Variants in VTI1A observed in about 807,000 individuals in gnomAD.
VTI1A encodes the protein vesicle transport through interaction with t-SNAREs 1A.
VTI1A carries 22 observed loss-of-function variants against 34.9 expected under a neutral mutation model. The ratio of observed to expected loss-of-function variants is 0.63; its 90% CI spans 0.45 to 0.90. VTI1A has a LOEUF of 0.90. Among genes scored for constraint, VTI1A ranks in the 40% least tolerant of loss-of-function variants. The pLI is 0.00. For synonymous variants in VTI1A, 87 were observed against 97.3 expected (o/e 0.89, Z 0.62); for missense variants, 268 against 275.6 (o/e 0.97, Z 0.20).
chr10:112,654,283 A>G (rs1847144343), intron 5 of VTI1A, among the ~76,000 whole-genome samples: 1 of 152,172 alleles, frequency 6.6e-6, no homozygotes, highest in South Asian at 2.1e-4. Context: ...CAAAATCCAC[A>G]TTTACTTAGC....
chr10:112,482,677 C>G (rs969375932), intron 3 of VTI1A, among the ~76,000 whole-genome samples: 3 of 151,988 alleles, frequency 2.0e-5, no homozygotes, highest in Non-Finnish European at 2.9e-5. Context: ...ATTCAAAATG[C>G]GAACTGTATT....
chr10:112,448,287 T>A (rs566575235), intron 1 of VTI1A: 52 of 152,332 alleles, frequency 3.4e-4, no homozygotes, highest in African/African-American at 1.2e-3. Flanking sequence ...CCCAGTTTCA[T>A]GTAAAACTTG....
intron 7 of VTI1A, among the ~76,000 whole-genome samples, chr10:112,723,284 G>A (rs74317490): frequency 0.038 from 5,856 of 152,258 alleles, 376 homozygotes; most frequent in African/African-American, 0.13. Context: ...GCTCTTCCCT[G>A]TACAGGACTA....
chr10:112,469,464 T>C (rs1022749765), intron 3 of VTI1A, among the ~76,000 whole-genome samples: 1 of 152,238 alleles, frequency 6.6e-6, no homozygotes, highest in African/African-American at 2.4e-5. Context: ...GGACATGATA[T>C]TGCTCCTGTT....
intron 5 of VTI1A, among the ~76,000 whole-genome samples, chr10:112,590,543 G>A (rs1844350111): frequency 6.6e-6 from 1 of 151,876 alleles, no homozygotes; most frequent in African/African-American, 2.4e-5. Flanking sequence ...TTCCAGACAT[G>A]GTGGCATGCA....
rs145611860 is a variant in VTI1A at position 112,742,603 on chromosome 10, C to T, written c.561-72687C>T. ...AGGCTGCTAAATGGTTTGCTTAATT[C>T]TAATGCTTTATACAGATCTCCTTTC... On this transcript the variant is annotated intron_variant, in intron 7 of 7. Transcript: ENST00000393077. 9.6e-3 allele frequency among the ~76,000 whole-genome samples: 1,461 copies of T among 152,304 alleles called. 11 individuals are homozygous for T. Among genetic ancestry groups the T allele is most frequent in the Non-Finnish European group, 0.014 (929 of 68,026 alleles).
At chr10:112,593,485 G>T (rs1435177576) in intron 5 of VTI1A, among the ~76,000 whole-genome samples, 1 of 152,146 alleles carries the variant, frequency 6.6e-6, no homozygotes, top group African/African-American at 2.4e-5. Flanking sequence ...CCAGCTCGAG[G>T]TGATTGCCTC....
intron 5 of VTI1A, among the ~76,000 whole-genome samples, chr10:112,582,984 G>A (rs567698030): frequency 7.9e-5 from 12 of 152,192 alleles, no homozygotes; most frequent in South Asian, 2.1e-4. Flanking sequence ...AGGGAGGCAC[G>A]TTTGCTGATA....
intron 3 of VTI1A, among the ~76,000 whole-genome samples, chr10:112,496,735 G>A (rs1286585512): frequency 1.3e-5 from 2 of 152,200 alleles, no homozygotes; most frequent in East Asian, 1.9e-4. Flanking sequence ...TTTTCAGTCA[G>A]TGTGAACCTG....
intron 5 of VTI1A, among the ~76,000 whole-genome samples, chr10:112,543,534 T>G (rs1850948830): frequency 6.6e-6 from 1 of 152,356 alleles, no homozygotes; most frequent in Non-Finnish European, 1.5e-5. Flanking sequence ...TGTTTGATTT[T>G]TTTCTTCTAA....
intron 6 of VTI1A, 64 bp downstream of exon 6, chr10:112,668,352 G>T: frequency 6.5e-7 from 1 of 1,529,064 alleles, no homozygotes; most frequent in South Asian, 1.2e-5. Context: ...GAAAGGCATT[G>T]GGACATAAAC....
At position 112,496,349 on chromosome 10, in the gene VTI1A, C is replaced by T. The variant is rs191495016; in HGVS notation, c.265-30738C>T. Among the ~76,000 whole-genome samples the T allele has an allele frequency of 2.0e-3, 306 of 152,246 alleles. 1 individual carries two copies. The highest frequency in any genetic ancestry group is 2.5e-3 in the Non-Finnish European group (170 of 68,000). ...CTTTGGGAGGCTGAGGCAGGCAGATCACTTGAGGTCAGGAGTTCAAGACCA... is the reference window on the plus strand; with the variant it reads ...CTTTGGGAGGCTGAGGCAGGCAGATTACTTGAGGTCAGGAGTTCAAGACCA... On this transcript the variant is annotated intron_variant, in intron 3 of 7. Transcript: ENST00000393077.
chr10:112,718,784 CTGTT>C (rs1238810260), intron 7 of VTI1A, among the ~76,000 whole-genome samples: 4 of 152,292 alleles, frequency 2.6e-5, no homozygotes, highest in East Asian at 1.9e-4. Context: ...TTTATTTACT[CTGTT>C]TGGCATTGTT....
intron 7 of VTI1A, among the ~76,000 whole-genome samples, chr10:112,738,140 C>T (rs1207831198): frequency 6.6e-6 from 1 of 152,198 alleles, no homozygotes; most frequent in Non-Finnish European, 1.5e-5. Flanking sequence ...GATTTCTAGC[C>T]AGTCTGATTC....
intron 7 of VTI1A, among the ~76,000 whole-genome samples, chr10:112,765,243 C>G (rs1057175181): frequency 6.6e-6 from 1 of 151,908 alleles, no homozygotes; most frequent in Admixed American, 6.6e-5. Flanking sequence ...GAGTCTCGCT[C>G]TGTCACCCAG....
Position 112,613,286 on chromosome 10 carries a change from C to T in VTI1A, c.428-54932C>T, listed in dbSNP as rs550843373. On this transcript the variant is annotated intron_variant, in intron 5 of 7. Transcript: ENST00000393077. ...ATTGTGCATCTTTCGTGAAGGTTAA[C>T]ATTTTTCTTTTGCTGCGTTTGTCTT... is the stretch of plus-strand genomic sequence containing the variant. Among the ~76,000 whole-genome samples, 34 of 152,212 alleles carry T rather than the reference C, an allele frequency of 2.2e-4. No individual in the cohort carries two copies. The South Asian group carries it at 6.2e-3, about 28-fold the overall frequency.
intron 5 of VTI1A, among the ~76,000 whole-genome samples, chr10:112,581,121 C>T (rs1301415005): frequency 6.6e-6 from 1 of 152,162 alleles, no homozygotes; most frequent in African/African-American, 2.4e-5. Context: ...TTAGGTCACC[C>T]CGTGGGAGCT....
chr10:112,480,780 A>T (rs888667518), intron 3 of VTI1A, among the ~76,000 whole-genome samples: 6 of 152,202 alleles, frequency 3.9e-5, no homozygotes, highest in Admixed American at 6.5e-5. Flanking sequence ...CTTGATTCTT[A>T]TACTTTGCTA....
chr10:112,695,597 A>G (rs1848756459), intron 7 of VTI1A, among the ~76,000 whole-genome samples: 2 of 152,172 alleles, frequency 1.3e-5, no homozygotes, highest in Non-Finnish European at 2.9e-5. Context: ...GCGCCAGTTG[A>G]TTATGGATAG....
Sources: allele counts gnomAD v4.1 joint callset (sites outside exome capture counted in the v4.1 genomes callset), GRCh38; gene constraint gnomAD v4.1.1; transcripts MANE v1.5; gene names NCBI Gene and HGNC (gene_info 2026-07-23, HGNC 2026-07-21).